CSMD1: variants seen among roughly 807,000 people sequenced by gnomAD.
CSMD1 encodes CUB and sushi domain-containing protein 1.
In CSMD1, 213 loss-of-function variants were observed where a neutral mutation model predicts 417.5. The ratio of observed to expected loss-of-function variants is 0.51; its 90% CI spans 0.46 to 0.57. The LOEUF is 0.57. CSMD1 is among the 20% of genes least tolerant of loss of function. CSMD1 has a pLI of 0.00. For synonymous variants in CSMD1, 2,862 were observed against 1,736.8 expected (o/e 1.65, Z -16.11); for missense variants, 6,923 against 4,529.7 (o/e 1.53, Z -15.17).
At chr8:4,411,467 T>C (rs1277442251) in intron 3 of CSMD1, among the ~76,000 whole-genome samples, 4 of 152,142 alleles carry the variant, frequency 2.6e-5, no homozygotes, top group African/African-American at 9.7e-5. Context: ...TTCATTCAAA[T>C]TCCAATTAAG....
intron 3 of CSMD1, among the ~76,000 whole-genome samples, chr8:4,223,245 C>A (rs1305236636): frequency 1.3e-5 from 2 of 152,146 alleles, no homozygotes; most frequent in Non-Finnish European, 2.9e-5. Context: ...GAACATTTAT[C>A]TTTTTCTATC....
intron 5 of CSMD1, among the ~76,000 whole-genome samples, chr8:3,986,765 C>CT (rs200767071): frequency 7.9e-4 from 119 of 150,912 alleles, no homozygotes; most frequent in African/African-American, 1.8e-3. Flanking sequence ...AGTGATTTTT[C>CT]TTTTTTTTTA....
intron 3 of CSMD1, among the ~76,000 whole-genome samples, chr8:4,265,260 GA>G (rs1804168227): frequency 6.6e-6 from 1 of 151,766 alleles, no homozygotes; most frequent in Non-Finnish European, 1.5e-5. Flanking sequence ...ATATTTTATG[GA>G]ATAGCAAACA....
At chr8:3,586,357 G>C in intron 8 of CSMD1, 97 bp from the exon 9 acceptor site, 2 of 1,237,998 alleles carry the variant, frequency 1.6e-6, no homozygotes, top group Non-Finnish European at 2.2e-6. Context: ...CTACGATCTT[G>C]TTCAGTTAAA....
chr8:3,624,700 G>C (rs1796409633), intron 7 of CSMD1, among the ~76,000 whole-genome samples: 1 of 152,164 alleles, frequency 6.6e-6, no homozygotes. Context: ...CTTTGTTTGA[G>C]TGACAGCCCA....
intron 12 of CSMD1, among the ~76,000 whole-genome samples, chr8:3,426,708 T>C (rs980201346): frequency 6.6e-6 from 1 of 152,198 alleles, no homozygotes; most frequent in East Asian, 1.9e-4. Flanking sequence ...CTAAGTCAAA[T>C]TATTGTGCTA....
intron 8 of CSMD1, among the ~76,000 whole-genome samples, chr8:3,607,190 T>A (rs1801660832): frequency 6.6e-6 from 1 of 152,180 alleles, no homozygotes; most frequent in African/African-American, 2.4e-5. Flanking sequence ...ACAAGCGCAC[T>A]AGCCTAGGCC....
intron 3 of CSMD1, among the ~76,000 whole-genome samples, chr8:4,156,284 T>C (rs1204890771): frequency 6.6e-6 from 1 of 152,124 alleles, no homozygotes; most frequent in African/African-American, 2.4e-5. Context: ...GTTGATGGGG[T>C]TGAAAATGCT....
intron 3 of CSMD1, among the ~76,000 whole-genome samples, chr8:4,349,514 C>A (rs561268206): frequency 6.6e-6 from 1 of 152,084 alleles, no homozygotes; most frequent in East Asian, 1.9e-4. Context: ...CCTTCTTTTT[C>A]CCTTTCAACA....
chr8:4,022,119 A>AATAT (rs10631129), intron 4 of CSMD1, among the ~76,000 whole-genome samples: 20,453 of 143,686 alleles, frequency 0.14, 1,705 homozygotes, highest in South Asian at 0.27. Flanking sequence ...ATGGATATAG[A>AATAT]ATATATATAT....
intron 1 of CSMD1, among the ~76,000 whole-genome samples, chr8:4,700,862 C>A (rs150357077): frequency 3.9e-5 from 6 of 152,088 alleles, no homozygotes; most frequent in African/African-American, 1.4e-4. Flanking sequence ...GGATGAAGAA[C>A]AATAGACCTA....
intron 5 of CSMD1, among the ~76,000 whole-genome samples, chr8:3,827,746 T>C (rs973792498): frequency 3.3e-5 from 5 of 152,206 alleles, no homozygotes; most frequent in African/African-American, 9.7e-5. Flanking sequence ...TTCTTCACTA[T>C]ACGATAATGA....
chr8:4,552,006 C>T (rs940518759), intron 2 of CSMD1, among the ~76,000 whole-genome samples: 7 of 152,152 alleles, frequency 4.6e-5, no homozygotes, highest in Admixed American at 1.3e-4. Flanking sequence ...CTTTAGCAAA[C>T]TAAAAGATCT....
chr8:4,832,919 A>G (rs1563531179), intron 1 of CSMD1, among the ~76,000 whole-genome samples: 1 of 152,164 alleles, frequency 6.6e-6, no homozygotes, highest in Non-Finnish European at 1.5e-5. Context: ...CTCTAAGTTT[A>G]GTACCCTTGA....
At chr8:4,294,684 T>G (rs1450813235) in intron 3 of CSMD1, among the ~76,000 whole-genome samples, 1 of 152,168 alleles carries the variant, frequency 6.6e-6, no homozygotes, top group African/African-American at 2.4e-5. Context: ...AAAAATATTC[T>G]AAGATGACCA....
At chr8:3,775,562 C>T (rs1245675135) in intron 5 of CSMD1, among the ~76,000 whole-genome samples, 1 of 152,186 alleles carries the variant, frequency 6.6e-6, no homozygotes, top group East Asian at 1.9e-4. Flanking sequence ...AGCGCAACTT[C>T]AAATGATCTC....
intron 5 of CSMD1, among the ~76,000 whole-genome samples, chr8:3,981,023 T>C (rs944658746): frequency 6.6e-6 from 1 of 152,196 alleles, no homozygotes; most frequent in Non-Finnish European, 1.5e-5. Flanking sequence ...GGTTCAACTA[T>C]CCTGTAGTAA....
At chr8:4,185,172 G>GA (rs1798592508) in intron 3 of CSMD1, among the ~76,000 whole-genome samples, 1 of 130,412 alleles carries the variant, frequency 7.7e-6, no homozygotes, top group Non-Finnish European at 1.7e-5. Context: ...AGCAAACGAA[G>GA]AAAAAACCAA....
At chr8:3,438,749 C>T (rs974714279) in intron 12 of CSMD1, among the ~76,000 whole-genome samples, 1 of 152,090 alleles carries the variant, frequency 6.6e-6, no homozygotes, top group South Asian at 2.1e-4. Flanking sequence ...TGAACAGAAG[C>T]CTTCACTTCT....
Sources: allele counts gnomAD v4.1 joint callset (sites outside exome capture counted in the v4.1 genomes callset), GRCh38; gene constraint gnomAD v4.1.1; transcripts MANE v1.5; gene names NCBI Gene and HGNC (gene_info 2026-07-23, HGNC 2026-07-21).